Variants in WWOX observed in about 807,000 individuals in gnomAD.
The protein encoded by WWOX is WW domain-containing oxidoreductase.
A neutral mutation model predicts 46.2 loss-of-function variants in WWOX; 69 were observed. That is an observed-to-expected ratio of 1.49 (90% confidence interval 1.23 to 1.82). WWOX has a LOEUF of 1.82. Among genes scored for constraint, WWOX ranks in the 40% most tolerant of loss-of-function variants. The pLI, the probability that WWOX is intolerant of heterozygous loss-of-function variation, is 0.00. For missense variants in WWOX, 919 were observed against 542.6 expected (o/e 1.69, Z -6.89); for synonymous variants, 359 against 202.6 (o/e 1.77, Z -6.56).
intron 7 of WWOX, among the ~76,000 whole-genome samples, chr16:78,428,368 C>G (rs1395207306): frequency 6.6e-6 from 1 of 152,170 alleles, no homozygotes; most frequent in Non-Finnish European, 1.5e-5. Flanking sequence ...AGCTGGCCCA[C>G]CCTTGCCACT....
intron 8 of WWOX, among the ~76,000 whole-genome samples, chr16:78,662,501 C>T (rs1361276312): frequency 1.3e-5 from 2 of 152,152 alleles, no homozygotes; most frequent in African/African-American, 4.8e-5. Context: ...TGTAGGTGCT[C>T]ATCCCGATAC....
At chr16:78,791,456 G>C (rs985184690) in intron 8 of WWOX, among the ~76,000 whole-genome samples, 1 of 152,158 alleles carries the variant, frequency 6.6e-6, no homozygotes, top group East Asian at 1.9e-4. Context: ...TCCAGGGCTG[G>C]CTGAGTGACT....
At chr16:78,476,571 G>A (rs1466399963) in intron 8 of WWOX, among the ~76,000 whole-genome samples, 5 of 151,712 alleles carry the variant, frequency 3.3e-5, no homozygotes, top group Admixed American at 2.6e-4. Context: ...AAACCTGCAC[G>A]TTGTGCACAT....
At chr16:79,028,659 G>T (rs532093921) in intron 8 of WWOX, among the ~76,000 whole-genome samples, 2 of 151,454 alleles carry the variant, frequency 1.3e-5, no homozygotes, top group Non-Finnish European at 2.9e-5. Context: ...GCTTCAGTGC[G>T]TGTTTCTTTC....
intron 8 of WWOX, among the ~76,000 whole-genome samples, chr16:78,989,910 C>G (rs1000639583): frequency 6.6e-6 from 1 of 150,786 alleles, no homozygotes; most frequent in Non-Finnish European, 1.5e-5. Context: ...ATTCCAGGTA[C>G]AGTGGCTCAT....
chr16:78,314,711 T>TTTTTG (rs2080325275), intron 5 of WWOX, among the ~76,000 whole-genome samples: 1 of 140,712 alleles, frequency 7.1e-6, no homozygotes, highest in African/African-American at 2.8e-5. Context: ...GTTTTTTTTT[T>TTTTTG]TTTTTTTTTT....
At chr16:78,496,264 T>G (rs1013465740) in intron 8 of WWOX, 2 of 152,212 alleles carry the variant, frequency 1.3e-5, no homozygotes, top group Admixed American at 6.5e-5. Flanking sequence ...TCATTTTTCA[T>G]TTTCCCGTTG....
At chr16:78,918,874 TC>T (rs2045312312) in intron 8 of WWOX, among the ~76,000 whole-genome samples, 1 of 152,184 alleles carries the variant, frequency 6.6e-6, no homozygotes, top group South Asian at 2.1e-4. Context: ...ATGAGCACTT[TC>T]TCTTGTCTTT....
At chr16:78,327,896 T>G (rs10581755) in intron 5 of WWOX, among the ~76,000 whole-genome samples, 12,795 of 104,932 alleles carry the variant, frequency 0.12, 708 homozygotes, top group East Asian at 0.21. Context: ...TTTTTTTTTT[T>G]GAGATGATCT....
chr16:79,077,015 A>C (rs922205008), intron 8 of WWOX, among the ~76,000 whole-genome samples: 1 of 152,152 alleles, frequency 6.6e-6, no homozygotes, highest in Non-Finnish European at 1.5e-5. Context: ...GACTGTTTTT[A>C]TAGGGAAAAA....
Position 79,080,981 on chromosome 16 carries a change from T to A in WWOX, c.1057-130627T>A, listed in dbSNP as rs369851865. Among the ~76,000 whole-genome samples the A allele has an allele frequency of 2.0e-5, 3 of 152,308 alleles. No homozygotes were observed. The East Asian group carries it at 5.8e-4, about 29-fold the overall frequency. ...TTAGATAGTGATGAAAAGATTTTTA[T>A]ACCTCCAAACACACACACGCACATG... On this transcript the variant is annotated intron_variant, in intron 8 of 8. Transcript: ENST00000566780.
intron 8 of WWOX, among the ~76,000 whole-genome samples, chr16:78,638,658 G>C (rs980417172): frequency 1.3e-5 from 2 of 152,208 alleles, no homozygotes; most frequent in African/African-American, 4.8e-5. Context: ...CTGGAGGGAA[G>C]GGCGGGGGCG....
intron 8 of WWOX, among the ~76,000 whole-genome samples, chr16:78,844,135 A>G (rs945612125): frequency 3.3e-5 from 5 of 152,112 alleles, no homozygotes; most frequent in African/African-American, 7.2e-5. Context: ...GTTGAAATCT[A>G]TCGTATTTGT....
chr16:79,089,915 A>T (rs2048923237), intron 8 of WWOX: 1 of 151,378 alleles, frequency 6.6e-6, no homozygotes, highest in Non-Finnish European at 1.5e-5. Context: ...AAAGAGTGAA[A>T]AACCCAACTG....
chr16:79,077,448 G>C (rs2150575526), intron 8 of WWOX: 1 of 152,284 alleles, frequency 6.6e-6, no homozygotes, highest in Admixed American at 6.5e-5. Context: ...TGGAAGCTAA[G>C]TAGGAGCTGA....
intron 8 of WWOX, among the ~76,000 whole-genome samples, chr16:79,024,720 C>T (rs994413132): frequency 6.6e-6 from 1 of 152,126 alleles, no homozygotes; most frequent in Non-Finnish European, 1.5e-5. Context: ...CAGGCATGAG[C>T]CACCATGCCT....
At chr16:79,002,523 C>G (rs1383797527) in intron 8 of WWOX, among the ~76,000 whole-genome samples, 7 of 152,060 alleles carry the variant, frequency 4.6e-5, no homozygotes, top group Non-Finnish European at 1.0e-4. Context: ...GCACCCGGCC[C>G]CTGCCTTTTT....
At chr16:78,537,064 G>A (rs1320052137) in intron 8 of WWOX, among the ~76,000 whole-genome samples, 2 of 152,064 alleles carry the variant, frequency 1.3e-5, no homozygotes, top group African/African-American at 4.8e-5. Context: ...CTACAGGCAT[G>A]TACCACCACA....
At chr16:79,049,537 C>T (rs1418455629) in intron 8 of WWOX, among the ~76,000 whole-genome samples, 2 of 152,076 alleles carry the variant, frequency 1.3e-5, no homozygotes, top group East Asian at 1.9e-4. Flanking sequence ...GGGGCTTTCT[C>T]TTAAGACTGC....
Sources: allele counts gnomAD v4.1 joint callset (sites outside exome capture counted in the v4.1 genomes callset), GRCh38; gene constraint gnomAD v4.1.1; transcripts MANE v1.5; gene names NCBI Gene and HGNC (gene_info 2026-07-23, HGNC 2026-07-21).